PISD: variants seen among roughly 807,000 people sequenced by gnomAD.
PISD encodes the protein phosphatidylserine decarboxylase, also known as phosphatidylserine decarboxylase proenzyme, mitochondrial.
A neutral mutation model predicts 43.5 loss-of-function variants in PISD; 31 were observed. The ratio of observed to expected loss-of-function variants is 0.71; its 90% CI spans 0.54 to 0.96. The LOEUF (loss-of-function observed/expected upper bound fraction) is 0.96. Among genes scored for constraint, PISD ranks in the 40% least tolerant of loss-of-function variants. The probability of loss-of-function intolerance (pLI) is 0.00; values close to 1 mark genes in which losing one functional copy is unlikely to be tolerated. For synonymous variants in PISD, 259 were observed against 228.7 expected, an observed-to-expected ratio of 1.13 and a Z score of -1.20; for missense variants, 523 against 548.4, an observed-to-expected ratio of 0.95 and a Z score of 0.46.
intron 3 of PISD, among the ~76,000 whole-genome samples, chr22:31,631,449 C>T (rs536414192): frequency 2.0e-5 from 3 of 152,340 alleles, no homozygotes; most frequent in African/African-American, 7.2e-5. Context: ...ACAGAATGCC[C>T]TGACTCCAAA....
chr22:31,656,010 C>T (rs2074160942), intron 1 of PISD, among the ~76,000 whole-genome samples: 1 of 151,928 alleles, frequency 6.6e-6, no homozygotes, highest in South Asian at 2.1e-4. Context: ...AAAACTACCA[C>T]TGGCCAGGCT....
rs942760253 is a variant in PISD at position 31,660,992 on chromosome 22, A to C, written c.65+1152T>G. ...TCAAGTGATCCACCCACCTTGGCCT[A>C]CCAAAGTGCTGAGGTTACAGGCGTG... On this transcript the variant is annotated intron_variant, in intron 1 of 7. Transcript: ENST00000439502. Among the ~76,000 whole-genome samples the C allele has an allele frequency of 2.0e-5, 3 of 152,092 alleles. No homozygotes were observed. The East Asian group carries it at 5.8e-4, about 29-fold the overall frequency.
intron 3 of PISD, among the ~76,000 whole-genome samples, chr22:31,637,159 A>T (rs1260291370): frequency 7.2e-5 from 2 of 27,710 alleles, no homozygotes; most frequent in Admixed American, 4.9e-4. Flanking sequence ...AAAAAAAAAA[A>T]AAAAAATATA....
intron 3 of PISD, among the ~76,000 whole-genome samples, chr22:31,636,909 C>T (rs1410182441): frequency 2.6e-5 from 4 of 151,608 alleles, no homozygotes; most frequent in Non-Finnish European, 1.5e-5. Flanking sequence ...AACTCCTGAC[C>T]TCGTGATCCA....
At position 31,628,783 on chromosome 22, in the gene PISD, C is replaced by CAACT. The variant is rs1261536831; in HGVS notation, c.322-6902_322-6899dup. The stretch of plus-strand genomic sequence containing the variant: ...GCACAGCTGCAACCATGGCCCAGAA[C>CAACT]AACTGCTCAGAAACCCCACTTCCAC... On this transcript the variant is annotated intron_variant, in intron 3 of 7. Transcript: ENST00000439502. 1.1e-5 allele frequency: 11 copies of CAACT among 977,492 alleles called. No individual in the cohort carries two copies. The East Asian group carries it at 1.0e-3, about 91-fold the overall frequency. The allele number at this position is 977,492 out of a possible 1,614,324, so 60.6% of individuals were successfully genotyped here. A position where few individuals can be genotyped will look rare whatever the true frequency, so the allele number is the denominator to read the frequency against.
At chr22:31,654,537 T>A (rs1196544998) in intron 1 of PISD, among the ~76,000 whole-genome samples, 1 of 152,138 alleles carries the variant, frequency 6.6e-6, no homozygotes, top group East Asian at 1.9e-4. Flanking sequence ...TCACCTTCAA[T>A]CTGCTCCTGC....
intron 3 of PISD, among the ~76,000 whole-genome samples, chr22:31,642,797 A>C (rs2073773269): frequency 6.7e-6 from 1 of 148,630 alleles, no homozygotes; most frequent in Admixed American, 6.7e-5. Context: ...TCAGTTTCAA[A>C]AAAAAAAAAA....
At chr22:31,638,471 A>C (rs900131869) in intron 3 of PISD, 12 of 985,266 alleles carry the variant, frequency 1.2e-5, no homozygotes, top group Middle Eastern at 5.2e-4. Context: ...AGTGGGGAGA[A>C]CAGGGAAGAG....
chr22:31,640,404 G>A (rs780443607), intron 3 of PISD, among the ~76,000 whole-genome samples: 4 of 151,564 alleles, frequency 2.6e-5, no homozygotes, highest in Non-Finnish European at 5.9e-5. Context: ...ACCACGTTGC[G>A]CGGATTGGTC....
chr22:31,632,592 C>T (rs2073253324), intron 3 of PISD, among the ~76,000 whole-genome samples: 1 of 152,116 alleles, frequency 6.6e-6, no homozygotes, highest in African/African-American at 2.4e-5. Context: ...GCACATTAGG[C>T]TCACTGGTGT....
At chr22:31,624,209 T>C (rs1341781336) in intron 3 of PISD, among the ~76,000 whole-genome samples, 1 of 152,176 alleles carries the variant, frequency 6.6e-6, no homozygotes. Flanking sequence ...CCCAAGCACC[T>C]GGGCCCAGGA....
At chr22:31,627,410 C>T (rs1371726338) in intron 3 of PISD, among the ~76,000 whole-genome samples, 4 of 152,372 alleles carry the variant, frequency 2.6e-5, no homozygotes, top group African/African-American at 9.6e-5. Flanking sequence ...GTGTCCAGGC[C>T]TCCAGGGCCA....
intron 7 of PISD, 133 bp from the exon 8 acceptor site, chr22:31,619,969 G>A: frequency 1.5e-6 from 1 of 649,482 alleles, no homozygotes; most frequent in East Asian, 2.7e-5. Context: ...AAAGGGAGGT[G>A]GGGATGGCAT....
At chr22:31,658,701 C>T (rs1463153747) in intron 1 of PISD, among the ~76,000 whole-genome samples, 1 of 151,758 alleles carries the variant, frequency 6.6e-6, no homozygotes, top group Non-Finnish European at 1.5e-5. Flanking sequence ...AGATGTGCAC[C>T]CAGCCATTTT....
intron 3 of PISD, chr22:31,625,659 C>T (rs1384054965): frequency 2.1e-6 from 3 of 1,424,048 alleles, no homozygotes; most frequent in Admixed American, 4.0e-5. Flanking sequence ...ACCACCAGTC[C>T]CCTTGCCGCC....
intron 3 of PISD, among the ~76,000 whole-genome samples, chr22:31,640,505 C>G (rs1397019303): frequency 6.7e-6 from 1 of 149,050 alleles, no homozygotes; most frequent in Non-Finnish European, 1.5e-5. Context: ...CTCAAGCTAC[C>G]CTTTCTAGAG....
In PISD at chr22:31,630,931, G is replaced by T; in HGVS notation, c.322-9046C>A. On this transcript the variant is annotated intron_variant, in intron 3 of 7. Transcript: ENST00000439502. This position sits in a 1 kb window ranked among gnomAD's most constrained non-coding sequence, Gnocchi z 4.4. ...CTACCAGGGGCGGGGGCAGGAGGCC[G>T]ACCCCAGCCACCCTTAAAGCTGCCG... The T allele has an allele frequency of 1.1e-6, 1 of 901,070 alleles. No homozygotes were observed. Among genetic ancestry groups the T allele is most frequent in the Non-Finnish European group, 1.3e-6 (1 of 752,766 alleles). 55.8% of individuals were successfully genotyped at this position (901,070 alleles called of 1,614,324 possible).
intron 7 of PISD, among the ~76,000 whole-genome samples, chr22:31,620,190 G>C (rs774337364): frequency 1.3e-5 from 2 of 152,202 alleles, no homozygotes; most frequent in East Asian, 1.9e-4. Flanking sequence ...GCAGACCTGC[G>C]AGTGCTGACC....
At chr22:31,625,795 C>A (rs529155691) in intron 3 of PISD, 1 of 1,599,574 alleles carries the variant, frequency 6.3e-7, no homozygotes, top group Non-Finnish European at 8.5e-7. Context: ...GTCCTTGCCG[C>A]GCCTCTGACT....
Sources: allele counts gnomAD v4.1 joint callset (sites outside exome capture counted in the v4.1 genomes callset), GRCh38; gene constraint gnomAD v4.1.1; non-coding constraint Gnocchi (gnomAD v3.1); transcripts MANE v1.5; gene names NCBI Gene and HGNC (gene_info 2026-07-23, HGNC 2026-07-21).